PCDH19: variants seen among roughly 807,000 people sequenced by gnomAD.
PCDH19 encodes protocadherin 19.
In PCDH19, 6 loss-of-function variants were observed where a neutral mutation model predicts 46.2. That is an observed-to-expected ratio of 0.13 (90% confidence interval 0.07 to 0.26). The LOEUF (loss-of-function observed/expected upper bound fraction) is 0.26, where lower values mean the gene tolerates loss of function less well. Among genes scored for constraint, PCDH19 ranks in the 10% least tolerant of loss-of-function variants. PCDH19 has a pLI of 1.00. For missense variants in PCDH19, 740 were observed against 972.3 expected, an observed-to-expected ratio of 0.76 and a Z score of 3.18; for synonymous variants, 481 against 415.7, an observed-to-expected ratio of 1.16 and a Z score of -1.91.
intron 3 of PCDH19, among the ~76,000 whole-genome samples, chrX:100,351,734 C>T (rs1926576244): frequency 8.9e-6 from 1 of 112,465 alleles, no homozygotes; most frequent in Non-Finnish European, 1.9e-5. Flanking sequence ...GAAAAGGAAA[C>T]ACAATTTCTG....
intron 1 of PCDH19, among the ~76,000 whole-genome samples, 156 bp downstream of exon 1, chrX:100,406,295 A>G (rs1014064302): frequency 1.2e-4 from 14 of 112,399 alleles, no homozygotes; most frequent in Non-Finnish European, 1.5e-4. Flanking sequence ...GAATTGATCA[A>G]CTTGGACTGT....
At chrX:100,300,663 A>C (rs1365767030) in intron 5 of PCDH19, among the ~76,000 whole-genome samples, 2 of 111,594 alleles carry the variant, frequency 1.8e-5, no homozygotes, top group South Asian at 7.6e-4. Flanking sequence ...TGAATTTGTA[A>C]ATTGGTTTTC....
chrX:100,334,203 C>G (rs1022644846), intron 5 of PCDH19, among the ~76,000 whole-genome samples: 1 of 111,075 alleles, frequency 9.0e-6, no homozygotes, highest in South Asian at 3.7e-4. Context: ...ACTACATATA[C>G]AGAGAGTAAG....
chrX:100,363,856 C>CAT (rs57620335), intron 3 of PCDH19, among the ~76,000 whole-genome samples: 24,194 of 88,732 alleles, frequency 0.27, 3,568 homozygotes, highest in Middle Eastern at 0.48. Flanking sequence ...AATGTGCGTG[C>CAT]GTGTGTGTGT....
At chrX:100,339,068 G>A (rs949856306) in intron 5 of PCDH19, among the ~76,000 whole-genome samples, 1 of 111,998 alleles carries the variant, frequency 8.9e-6, no homozygotes, top group Non-Finnish European at 1.9e-5. Context: ...AAGGTGTAAG[G>A]TACGCTCTTG....
Position 100,296,776 on chromosome X carries a change from G to A in PCDH19, c.2948C>T (p.Ser983Phe), listed in dbSNP as rs1257183928. 8.3e-7 allele frequency: 1 copy of A among 1,209,403 alleles called. No individual in the cohort carries two copies. Among genetic ancestry groups the A allele is most frequent in the Non-Finnish European group, 1.1e-6 (1 of 894,798 alleles). ...GATGATGTTCCTCACATGCTCAGGG[G>A]ACTTGGAACGGATGGGCATGGGGTT... is the stretch of plus-strand genomic sequence containing the variant. ...PRNPMPIRSK[S>F]PEHVRNIIAL... The change falls in exon 6 of 6, where the codon TCC becomes TTC. Residue 983 changes from serine (S) to phenylalanine (F), a missense_variant. Coordinates refer to ENST00000373034, the MANE Select transcript of PCDH19 (RefSeq NM_001184880.2).
chrX:100,398,013 TAC>T (rs1032218678), intron 3 of PCDH19, among the ~76,000 whole-genome samples: 4 of 104,398 alleles, frequency 3.8e-5, no homozygotes, highest in South Asian at 4.4e-4. Context: ...CACACACACA[TAC>T]ACACACACAT....
At chrX:100,388,747 TTTGCTTATTTGA>T (rs1927784276) in intron 3 of PCDH19, among the ~76,000 whole-genome samples, 1 of 110,941 alleles carries the variant, frequency 9.0e-6, no homozygotes, top group Non-Finnish European at 1.9e-5. Flanking sequence ...TTTTTTAATC[TTTGCTTATTTGA>T]TAAGTACAAA....
chrX:100,321,258 G>A (rs899598245), intron 5 of PCDH19, among the ~76,000 whole-genome samples: 3 of 111,573 alleles, frequency 2.7e-5, no homozygotes, highest in African/African-American at 9.8e-5. Context: ...TTCGTATGAC[G>A]ACTTCTTTTC....
intron 5 of PCDH19, among the ~76,000 whole-genome samples, chrX:100,323,697 A>G (rs1400615821): frequency 9.0e-6 from 1 of 111,618 alleles, no homozygotes; most frequent in Non-Finnish European, 1.9e-5. Flanking sequence ...TAAAGAAGGT[A>G]ACTTTACCAA....
intron 5 of PCDH19, among the ~76,000 whole-genome samples, chrX:100,309,930 A>G (rs1391831278): frequency 2.7e-5 from 3 of 112,660 alleles, no homozygotes; most frequent in Non-Finnish European, 5.6e-5. Flanking sequence ...CATTTCACTG[A>G]TCAGCATTAG....
intron 5 of PCDH19, among the ~76,000 whole-genome samples, chrX:100,332,361 A>C (rs1259959735): frequency 9.0e-6 from 1 of 110,821 alleles, no homozygotes; most frequent in African/African-American, 3.3e-5. Flanking sequence ...GTCTCTACTA[A>C]AAGTACAAAA....
intron 3 of PCDH19, among the ~76,000 whole-genome samples, chrX:100,362,324 C>T (rs745472953): frequency 8.9e-6 from 1 of 111,785 alleles, no homozygotes; most frequent in Non-Finnish European, 1.9e-5. Flanking sequence ...CAAAGAAACA[C>T]TTTTATCGGG....
intron 5 of PCDH19, among the ~76,000 whole-genome samples, chrX:100,299,410 T>C (rs183801107): frequency 9.0e-6 from 1 of 111,430 alleles, no homozygotes; most frequent in Admixed American, 9.5e-5. Flanking sequence ...TGAGATTTAG[T>C]TTTTTTCAAC....
chrX:100,305,243 A>C (rs970155242), intron 5 of PCDH19, among the ~76,000 whole-genome samples: 1 of 111,730 alleles, frequency 9.0e-6, no homozygotes, highest in African/African-American at 3.2e-5. Context: ...AAACCCTACA[A>C]GCTAGAAGGG....
At chrX:100,355,084 G>A (rs373719401) in intron 3 of PCDH19, among the ~76,000 whole-genome samples, 1 of 111,278 alleles carries the variant, frequency 9.0e-6, no homozygotes, top group African/African-American at 3.3e-5. Flanking sequence ...CTGAAAGCAG[G>A]TGTCTCACAT....
At chrX:100,357,515 T>C (rs756409396) in intron 3 of PCDH19, among the ~76,000 whole-genome samples, 3 of 112,091 alleles carry the variant, frequency 2.7e-5, no homozygotes, top group Non-Finnish European at 5.6e-5. Flanking sequence ...TTCTGCAAAA[T>C]GCTGTTTGGA....
chrX:100,362,410 A>G (rs1000280042), intron 3 of PCDH19, among the ~76,000 whole-genome samples: 1 of 110,763 alleles, frequency 9.0e-6, no homozygotes, highest in East Asian at 2.8e-4. Flanking sequence ...TATATTATAT[A>G]TAATTTTTGT....
At chrX:100,336,459 A>T (rs1362790727) in intron 5 of PCDH19, among the ~76,000 whole-genome samples, 1 of 112,151 alleles carries the variant, frequency 8.9e-6, no homozygotes, top group Non-Finnish European at 1.9e-5. Context: ...TTTTCATGGC[A>T]AATTTGTTAA....
Sources: gnomAD v4.1 joint callset for allele counts (sites outside exome capture counted in the v4.1 genomes callset) on GRCh38, gnomAD v4.1.1 for gene constraint, MANE v1.5 for transcripts, NCBI Gene and HGNC (gene_info 2026-07-23, HGNC 2026-07-21) for gene names.